FAM210A: variants seen among roughly 807,000 people sequenced by gnomAD.
The protein encoded by FAM210A is mitochondrial inner membrane scaffold 1, also known as family with sequence similarity 210 member A.
Under a neutral mutation model 25.3 loss-of-function variants are expected in FAM210A, and 13 were observed. The observed-to-expected ratio is 0.51, with a 90% CI of 0.33 to 0.82. The LOEUF (loss-of-function observed/expected upper bound fraction) is 0.82, where lower values mean the gene tolerates loss of function less well. FAM210A is among the 40% of genes least tolerant of loss of function. The pLI is 0.02. For missense variants in FAM210A, 319 were observed against 323.2 expected, an observed-to-expected ratio of 0.99 and a Z score of 0.10; for synonymous variants, 125 against 118.7, an observed-to-expected ratio of 1.05 and a Z score of -0.35.
chr18:13,717,278 G>A (rs1244880470), intron 1 of FAM210A, among the ~76,000 whole-genome samples: 1 of 152,180 alleles, frequency 6.6e-6, no homozygotes, highest in Non-Finnish European at 1.5e-5. Context: ...CCCGAGATTA[G>A]TGCCACCTGT....
At chr18:13,686,036 G>A (rs2043594316) in intron 1 of FAM210A, among the ~76,000 whole-genome samples, 1 of 152,010 alleles carries the variant, frequency 6.6e-6, no homozygotes, top group African/African-American at 2.4e-5. Flanking sequence ...GTTCTTTGGG[G>A]AAAAAATGAA....
rs35493157 is a variant in FAM210A at position 13,681,963 on chromosome 18, A to G, written c.115T>C (p.Tyr39His). ...CQNVKGPLLLYNAESKVVLVQ... is the reference protein window; with the variant it reads ...CQNVKGPLLLHNAESKVVLVQ... ...AAAACCACTTTGGATTCAGCATTGT[A>G]TAAAAGTAAAGGTCCCTTTACATTT... is the stretch of plus-strand genomic sequence containing the variant. The change falls in exon 2 of 4, where the codon TAC becomes CAC. Residue 39 changes from tyrosine (Y) to histidine (H), a missense_variant. By Grantham distance (83) the Tyr-to-His change is moderately conservative. Transcript: ENST00000651643. 64 of 1,614,050 alleles carry G rather than the reference A, an allele frequency of 4.0e-5. No homozygotes were observed. Among genetic ancestry groups the G allele is most frequent in the Non-Finnish European group, 4.2e-5 (50 of 1,180,038 alleles).
chr18:13,702,317 A>G (rs1042552330), intron 1 of FAM210A, among the ~76,000 whole-genome samples: 4 of 152,244 alleles, frequency 2.6e-5, no homozygotes, highest in African/African-American at 9.6e-5. Context: ...GCTGCAGCCA[A>G]TTTGGTATGC....
intron 2 of FAM210A, among the ~76,000 whole-genome samples, chr18:13,676,124 A>G (rs201173482): frequency 4.1e-3 from 392 of 95,854 alleles, no homozygotes; most frequent in Non-Finnish European, 6.9e-3. Flanking sequence ...TGAGCCCCTG[A>G]CCTCTTTATT....
At chr18:13,693,852 A>G (rs2043670031) in intron 1 of FAM210A, among the ~76,000 whole-genome samples, 1 of 152,196 alleles carries the variant, frequency 6.6e-6, no homozygotes, top group Admixed American at 6.5e-5. Context: ...CACCACTCCT[A>G]TTCAGCATAG....
At chr18:13,666,895 G>A (rs1393508685) in intron 3 of FAM210A, among the ~76,000 whole-genome samples, 182 bp from the exon 4 acceptor site, 1 of 152,144 alleles carries the variant, frequency 6.6e-6, no homozygotes, top group Non-Finnish European at 1.5e-5. Flanking sequence ...TATTTCTTCT[G>A]TAAACTCATT....
intron 2 of FAM210A, among the ~76,000 whole-genome samples, chr18:13,674,117 T>C (rs1487170314): frequency 7.0e-5 from 10 of 143,260 alleles, no homozygotes. Context: ...TTCCTGATTA[T>C]TAACATTCCT....
Position 13,671,893 on chromosome 18 carries a change from C to G in FAM210A, c.554G>C (p.Gly185Ala). 1 of 1,613,556 alleles carries G rather than the reference C, an allele frequency of 6.2e-7. No homozygotes were observed. Among genetic ancestry groups the G allele is most frequent in the Non-Finnish European group, 8.5e-7 (1 of 1,179,754 alleles). ...CAAGGCATATGCTGTGAGGGCATTT[C>G]CACTCTGGGAGTTTTTCAGGATGCT... ...VVSILKNSQSGNALTAYALFK... is the reference protein window; with the variant it reads ...VVSILKNSQSANALTAYALFK... The change falls in exon 3 of 4, where the codon GGA becomes GCA. Residue 185 changes from glycine (G) to alanine (A), a missense_variant. Coordinates refer to ENST00000651643, the MANE Select transcript of FAM210A (RefSeq NM_152352.4).
chr18:13,702,512 G>A lies in FAM210A; in HGVS notation c.-28-20407C>T, dbSNP rs1173411808. 7.2e-5 allele frequency among the ~76,000 whole-genome samples: 11 copies of A among 152,288 alleles called. 1 individual carries two copies. In the South Asian group the frequency reaches 1.4e-3, roughly 20 times the overall value. On this transcript the variant is annotated intron_variant, in intron 1 of 3. Transcript: ENST00000651643. ...GTCTCCATCGTGTTTTATTTCCTTC[G>A]GAGCTTGATCCTGTGACCACATGGC... is the stretch of plus-strand genomic sequence containing the variant.
intron 1 of FAM210A, among the ~76,000 whole-genome samples, chr18:13,719,104 C>T (rs545330146): frequency 2.0e-5 from 3 of 152,102 alleles, no homozygotes; most frequent in Non-Finnish European, 4.4e-5. Flanking sequence ...ATAAAGTGTG[C>T]CACACAAATA....
chr18:13,726,132 C>G, intron 1 of FAM210A, among the ~76,000 whole-genome samples, 197 bp downstream of exon 1: 1 of 152,232 alleles, frequency 6.6e-6, no homozygotes, highest in South Asian at 2.1e-4. Flanking sequence ...GGGGACCTCT[C>G]TCGGCCGCCG....
intron 1 of FAM210A, among the ~76,000 whole-genome samples, chr18:13,696,301 T>C (rs1413974302): frequency 6.6e-6 from 1 of 152,192 alleles, no homozygotes; most frequent in Non-Finnish European, 1.5e-5. Context: ...AGGATTGACA[T>C]TCATTAGCAG....
At chr18:13,667,788 T>G (rs1262459872) in intron 3 of FAM210A, among the ~76,000 whole-genome samples, 1 of 152,186 alleles carries the variant, frequency 6.6e-6, no homozygotes, top group Admixed American at 6.5e-5. Context: ...CCCAGCACTT[T>G]GGGAGGCTCA....
chr18:13,687,427 GA>G (rs1015124487), intron 1 of FAM210A, among the ~76,000 whole-genome samples: 1 of 152,184 alleles, frequency 6.6e-6, no homozygotes, highest in African/African-American at 2.4e-5. Flanking sequence ...TTAATTGAAT[GA>G]AGGCACCAGG....
intron 1 of FAM210A, among the ~76,000 whole-genome samples, chr18:13,689,732 T>C (rs1347592006): frequency 6.6e-6 from 1 of 152,180 alleles, no homozygotes; most frequent in East Asian, 1.9e-4. Flanking sequence ...TTATTGCATA[T>C]GATATGATTG....
At chr18:13,721,525 G>A (rs935893799) in intron 1 of FAM210A, among the ~76,000 whole-genome samples, 1 of 152,108 alleles carries the variant, frequency 6.6e-6, no homozygotes, top group Non-Finnish European at 1.5e-5. Flanking sequence ...CCTGGAATGC[G>A]GTATTGCTTT....
At chr18:13,696,121 A>G (rs183028259) in intron 1 of FAM210A, among the ~76,000 whole-genome samples, 2 of 152,350 alleles carry the variant, frequency 1.3e-5, no homozygotes, top group East Asian at 1.9e-4. Flanking sequence ...ATTCATAGAT[A>G]GACTCATTAT....
chr18:13,666,754 A>C, intron 3 of FAM210A, 41 bp from the exon 4 acceptor site: 1 of 1,550,052 alleles, frequency 6.5e-7, no homozygotes, highest in Non-Finnish European at 8.8e-7. Context: ...AAACCTGGTT[A>C]TTACTGTCAT....
chr18:13,664,269 A>G lies in FAM210A; in HGVS notation c.*2211T>C, dbSNP rs940861187. 5 of 152,234 alleles carry G rather than the reference A, an allele frequency of 3.3e-5. No individual in the cohort carries two copies. The South Asian group carries it at 1.0e-3, about 31-fold the overall frequency. 9.4% of individuals were successfully genotyped at this position (152,234 alleles called of 1,614,324 possible). ...GATGGCAACAAAACTCAAATGGACT[A>G]ACAAAAGATGTCTATGCAGGAAAAG... On this transcript the variant is annotated 3_prime_UTR_variant, in exon 4 of 4. Transcript: ENST00000651643.
Sources: allele counts gnomAD v4.1 joint callset (sites outside exome capture counted in the v4.1 genomes callset), GRCh38; gene constraint gnomAD v4.1.1; transcripts MANE v1.5; gene names NCBI Gene and HGNC (gene_info 2026-07-23, HGNC 2026-07-21).